The following ARSJ variants were observed in gnomAD, a reference collection of about 807,000 sequenced individuals.
ARSJ encodes the protein arylsulfatase family member J.
In ARSJ, 26 loss-of-function variants were observed where a neutral mutation model predicts 35.9. The observed-to-expected ratio is 0.72, with a 90% CI of 0.53 to 1.00. ARSJ has a LOEUF of 1.00. Ranked by LOEUF, ARSJ falls within the 50% of genes least tolerant of loss-of-function variation. The probability of loss-of-function intolerance (pLI) is 0.00; values close to 1 mark genes in which losing one functional copy is unlikely to be tolerated. For missense variants in ARSJ, 667 were observed against 723.6 expected (o/e 0.92, Z 0.90); for synonymous variants, 294 against 267.6 (o/e 1.10, Z -0.96).
chr4:113,945,938 G>C (rs1725449688), intron 1 of ARSJ, among the ~76,000 whole-genome samples: 1 of 151,942 alleles, frequency 6.6e-6, no homozygotes. Context: ...ATGTCAGTTT[G>C]TTCATAGTTT....
At chr4:113,920,285 G>A (rs928263160) in intron 1 of ARSJ, among the ~76,000 whole-genome samples, 1 of 152,140 alleles carries the variant, frequency 6.6e-6, no homozygotes, top group Non-Finnish European at 1.5e-5. Flanking sequence ...GCAGCAGTAG[G>A]TAATAGGTAC....
intron 1 of ARSJ, among the ~76,000 whole-genome samples, chr4:113,911,946 A>G (rs1053634135): frequency 6.6e-6 from 1 of 152,188 alleles, no homozygotes; most frequent in Admixed American, 6.5e-5. Context: ...TATACAATAA[A>G]ATGTATTTAA....
chr4:113,911,319 TCTTA>T (rs926949655), intron 1 of ARSJ, among the ~76,000 whole-genome samples: 5 of 152,186 alleles, frequency 3.3e-5, no homozygotes, highest in Non-Finnish European at 5.9e-5. Context: ...ACTAAGGTTT[TCTTA>T]CTTAATGTGA....
chr4:113,933,474 C>T (rs925015402), intron 1 of ARSJ, among the ~76,000 whole-genome samples: 1 of 151,848 alleles, frequency 6.6e-6, no homozygotes, highest in Admixed American at 6.6e-5. Flanking sequence ...AAACTCAATT[C>T]AACTCCTCAT....
chr4:113,950,083 A>G (rs1725761800), intron 1 of ARSJ, among the ~76,000 whole-genome samples: 1 of 152,042 alleles, frequency 6.6e-6, no homozygotes, highest in Non-Finnish European at 1.5e-5. Context: ...TGTAAGCTAT[A>G]TGGTTCTCGG....
In ARSJ at chr4:113,901,498, C is replaced by G. The variant is rs1562325076; in HGVS notation, c.*776G>C. On this transcript the variant is annotated 3_prime_UTR_variant, in exon 2 of 2. Coordinates refer to ENST00000315366, the MANE Select transcript of ARSJ (RefSeq NM_024590.4). ...AAATAAAATAAAGTCATTTGCATAA[C>G]TTTTTATAAAAACAACAAAATATTT... 1.3e-5 allele frequency: 2 copies of G among 152,336 alleles called. No homozygotes were observed. Among genetic ancestry groups the G allele is most frequent in the East Asian group, 3.8e-4 (2 of 5,198 alleles). 9.4% of individuals were successfully genotyped at this position (152,336 alleles called of 1,614,324 possible).
chr4:113,936,812 A>C (rs1724796064), intron 1 of ARSJ, among the ~76,000 whole-genome samples: 1 of 151,898 alleles, frequency 6.6e-6, no homozygotes, highest in South Asian at 2.1e-4. Context: ...ATAATAATGA[A>C]GCAAAACATT....
chr4:113,951,942 C>T (rs1479012361), intron 1 of ARSJ, among the ~76,000 whole-genome samples: 1 of 152,002 alleles, frequency 6.6e-6, no homozygotes, highest in African/African-American at 2.4e-5. Context: ...TTTTACTTAT[C>T]ATTCAGTTTA....
At chr4:113,917,125 T>C (rs1723359641) in intron 1 of ARSJ, among the ~76,000 whole-genome samples, 1 of 152,102 alleles carries the variant, frequency 6.6e-6, no homozygotes, top group Middle Eastern at 3.2e-3. Context: ...TGATCACAGG[T>C]TTCTCAGCTG....
At chr4:113,905,699 G>A (rs1366345157) in intron 1 of ARSJ, among the ~76,000 whole-genome samples, 5 of 102,678 alleles carry the variant, frequency 4.9e-5, no homozygotes, top group East Asian at 3.0e-4. Context: ...AGACAGTCTC[G>A]CTCTATCACC....
intron 1 of ARSJ, among the ~76,000 whole-genome samples, chr4:113,928,262 G>T (rs1168760625): frequency 1.3e-5 from 2 of 152,076 alleles, no homozygotes; most frequent in African/African-American, 4.8e-5. Context: ...AAGGCCAGAG[G>T]TCTTCTTGGG....
intron 1 of ARSJ, among the ~76,000 whole-genome samples, chr4:113,953,751 T>C (rs1236783685): frequency 6.6e-6 from 1 of 152,042 alleles, no homozygotes; most frequent in Non-Finnish European, 1.5e-5. Flanking sequence ...AACAGGTAAA[T>C]GAATTCAGGG....
chr4:113,945,079 G>A (rs1000215898), intron 1 of ARSJ, among the ~76,000 whole-genome samples: 5 of 152,028 alleles, frequency 3.3e-5, no homozygotes, highest in Non-Finnish European at 5.9e-5. Flanking sequence ...TAAAAATAGT[G>A]CAGACATTTT....
intron 1 of ARSJ, among the ~76,000 whole-genome samples, chr4:113,947,981 G>T (rs1298743590): frequency 6.6e-6 from 1 of 151,940 alleles, no homozygotes; most frequent in Non-Finnish European, 1.5e-5. Context: ...TTGAGGCCAG[G>T]AGTTCGAGAC....
intron 1 of ARSJ, 133 bp downstream of exon 1, chr4:113,978,304 A>T: frequency 1.2e-6 from 1 of 839,202 alleles, no homozygotes; most frequent in Non-Finnish European, 1.8e-6. Context: ...CCAATACCAT[A>T]CATCATTCAT....
At chr4:113,963,082 T>C (rs547905583) in intron 1 of ARSJ, among the ~76,000 whole-genome samples, 3 of 152,154 alleles carry the variant, frequency 2.0e-5, no homozygotes, top group East Asian at 1.9e-4. Context: ...CTTTGTAATA[T>C]TGTCCTCTCA....
intron 1 of ARSJ, among the ~76,000 whole-genome samples, chr4:113,958,294 C>T (rs1726316300): frequency 6.6e-6 from 1 of 151,898 alleles, no homozygotes; most frequent in Non-Finnish European, 1.5e-5. Context: ...TGTTGCTGTA[C>T]ATAAAATGTA....
chr4:113,902,337 C>A lies in ARSJ; in HGVS notation c.1737G>T (p.Lys579Asn), dbSNP rs754934872. ...AEKKQKKSKK[K>N]KKKQQKAVSG... Reference sequence around the variant, plus strand: ...AGACTGCTTTCTGCTGTTTCTTCTTCTTTTTTTTGCTTTTCTTTTGCTTTT... The same window carrying A: ...AGACTGCTTTCTGCTGTTTCTTCTTATTTTTTTTGCTTTTCTTTTGCTTTT... Residue 579 changes from lysine (K) to asparagine (N), a missense_variant, in exon 2 of 2, where the codon AAG becomes AAT. By Grantham distance (94) the Lys-to-Asn change is moderately conservative. Transcript: ENST00000315366. 6.2e-7 allele frequency: 1 copy of A among 1,612,850 alleles called. No individual in the cohort carries two copies. Among genetic ancestry groups the A allele is most frequent in the Admixed American group, 1.7e-5 (1 of 59,810 alleles).
intron 1 of ARSJ, among the ~76,000 whole-genome samples, chr4:113,909,307 A>C (rs1199285286): frequency 6.6e-6 from 1 of 152,194 alleles, no homozygotes; most frequent in Non-Finnish European, 1.5e-5. Flanking sequence ...AACATTCTAA[A>C]AAAGAAAATA....
Sources: allele counts gnomAD v4.1 joint callset (sites outside exome capture counted in the v4.1 genomes callset), GRCh38; gene constraint gnomAD v4.1.1; transcripts MANE v1.5; gene names NCBI Gene and HGNC (gene_info 2026-07-23, HGNC 2026-07-21).